The following RLF variants were observed in gnomAD, a reference collection of about 807,000 sequenced individuals.
The protein encoded by RLF is zinc finger protein Rlf.
RLF carries 7 observed loss-of-function variants against 162.9 expected under a neutral mutation model. That is an observed-to-expected ratio of 0.04 (90% CI 0.02 to 0.08). The LOEUF (loss-of-function observed/expected upper bound fraction) is 0.08. Ranked by LOEUF, RLF falls within the 10% of genes least tolerant of loss-of-function variation. The pLI, the probability that RLF is intolerant of heterozygous loss-of-function variation, is 1.00. For missense variants in RLF, 1,664 were observed against 2,244.7 expected, an observed-to-expected ratio of 0.74 and a Z score of 5.23; for synonymous variants, 782 against 791.5, an observed-to-expected ratio of 0.99 and a Z score of 0.20.
Position 40,161,725 on chromosome 1 carries a change from C to T in RLF, c.237+89C>T. ...TCCTCTGTAAGCAGCCGGGTCCAAA[C>T]TGAAAGGCGCCACCTCCGTGACTCG... is the stretch of plus-strand genomic sequence containing the variant. On this transcript the variant is annotated intron_variant, in intron 1 of 7. Coordinates refer to ENST00000372771, the MANE Select transcript of RLF (RefSeq NM_012421.4). The surrounding 1 kb of genome is among the most constrained non-coding windows in gnomAD (Gnocchi z 4.4). 6.6e-7 allele frequency: 1 copy of T among 1,511,862 alleles called. No homozygotes were observed. Among genetic ancestry groups the T allele is most frequent in the Non-Finnish European group, 8.8e-7 (1 of 1,138,692 alleles). The allele number at this position is 1,511,862 out of a possible 1,614,324, so 93.7% of individuals were successfully genotyped here. A position where few individuals can be genotyped will look rare whatever the true frequency, so the allele number is the denominator to read the frequency against.
At chr1:40,211,072 C>T (rs1364371538) in intron 5 of RLF, among the ~76,000 whole-genome samples, 1 of 152,218 alleles carries the variant, frequency 6.6e-6, no homozygotes, top group Non-Finnish European at 1.5e-5. Context: ...TTGTCTGTGG[C>T]TGCTTTTGTG....
At chr1:40,190,096 C>T (rs1642536098) in intron 2 of RLF, among the ~76,000 whole-genome samples, 1 of 152,044 alleles carries the variant, frequency 6.6e-6, no homozygotes. Context: ...TTTCCTTCTA[C>T]CAAGTCCTAG....
chr1:40,228,080 T>A (rs1643101904), intron 6 of RLF, among the ~76,000 whole-genome samples: 2 of 151,880 alleles, frequency 1.3e-5, no homozygotes, highest in Admixed American at 6.6e-5. Context: ...AAGTCAGGAG[T>A]TCGAGACCAG....
chr1:40,239,951 T>G lies in RLF; in HGVS notation c.5249T>G (p.Phe1750Cys), dbSNP rs1365698329. The stretch of plus-strand genomic sequence containing the variant: ...CCAACCCATGTCCCAAAAGAGAATT[T>G]TAGGAAACATTCACAGCCCCGGTCA... ...KNPTHVPKEN[F>C]RKHSQPRSFD... The change falls in exon 8 of 8, where the codon TTT becomes TGT. Residue 1750 changes from phenylalanine (F) to cysteine (C), a missense_variant. Transcript: ENST00000372771. 1.9e-6 allele frequency: 3 copies of G among 1,613,514 alleles called. No homozygotes were observed. Among genetic ancestry groups the G allele is most frequent in the East Asian group, 2.2e-5 (1 of 44,898 alleles).
chr1:40,226,367 C>T lies in RLF; in HGVS notation c.947+3657C>T, dbSNP rs186900106. On this transcript the variant is annotated intron_variant, in intron 6 of 7. Coordinates refer to ENST00000372771, the MANE Select transcript of RLF (RefSeq NM_012421.4). ...GTTTGTATATAGAGAGGTGTAATTACGGCAGCCATTTTAAAGTCATAAAGT... is the reference window on the plus strand; with the variant it reads ...GTTTGTATATAGAGAGGTGTAATTATGGCAGCCATTTTAAAGTCATAAAGT... Among the ~76,000 whole-genome samples, 413 of 152,190 alleles carry T rather than the reference C, an allele frequency of 2.7e-3. 4 individuals are homozygous for T. Among genetic ancestry groups the T allele is most frequent in the African/African-American group, 9.5e-3 (395 of 41,516 alleles).
intron 5 of RLF, among the ~76,000 whole-genome samples, chr1:40,211,119 C>T (rs188496734): frequency 5.9e-5 from 9 of 152,358 alleles, no homozygotes; most frequent in Admixed American, 3.9e-4. Flanking sequence ...AACAGAAACT[C>T]TCTGGCCAGA....
chr1:40,169,816 C>T (rs1642218466), intron 1 of RLF, among the ~76,000 whole-genome samples: 2 of 151,108 alleles, frequency 1.3e-5, no homozygotes, highest in Admixed American at 1.3e-4. Context: ...CCTCAGCCTC[C>T]CAAGTAGCTG....
intron 3 of RLF, among the ~76,000 whole-genome samples, chr1:40,195,417 C>T (rs960128925): frequency 6.6e-6 from 1 of 151,228 alleles, no homozygotes; most frequent in Non-Finnish European, 1.5e-5. Context: ...CCACTGCACT[C>T]CAGTCTGGGT....
At chr1:40,226,399 T>C (rs961974489) in intron 6 of RLF, among the ~76,000 whole-genome samples, 2 of 152,200 alleles carry the variant, frequency 1.3e-5, no homozygotes, top group African/African-American at 4.8e-5. Flanking sequence ...AAGTTGAACT[T>C]TGAACCTCCA....
At chr1:40,170,410 G>A (rs1025647903) in intron 1 of RLF, among the ~76,000 whole-genome samples, 2 of 151,974 alleles carry the variant, frequency 1.3e-5, no homozygotes, top group Admixed American at 1.3e-4. Context: ...CCACAGGCGC[G>A]TGCCACCACG....
intron 5 of RLF, 136 bp downstream of exon 5, chr1:40,202,750 A>C (rs1642734463): frequency 1.8e-6 from 1 of 548,756 alleles, no homozygotes; most frequent in African/African-American, 2.0e-5. Context: ...TATGATTTTA[A>C]TTGTATATTT....
chr1:40,165,477 TG>T (rs1198010208), intron 1 of RLF, among the ~76,000 whole-genome samples: 1 of 152,224 alleles, frequency 6.6e-6, no homozygotes, highest in Non-Finnish European at 1.5e-5. Flanking sequence ...ATTTTCTGCA[TG>T]GGAGATTTTT....
In RLF at chr1:40,174,326, G is replaced by A. The variant is rs1474106961; in HGVS notation, c.237+12690G>A. On this transcript the variant is annotated intron_variant, in intron 1 of 7. Coordinates refer to ENST00000372771, the MANE Select transcript of RLF (RefSeq NM_012421.4). ...ACAGAGGTGGCAGTGAGCCAAGATT[G>A]CACCACTGCACTCCAACATGGGTAA... Among the ~76,000 whole-genome samples the A allele has an allele frequency of 3.3e-5, 5 of 151,658 alleles. No individual in the cohort carries two copies. The South Asian group carries it at 6.2e-4, about 19-fold the overall frequency.
At chr1:40,195,904 G>T in intron 4 of RLF, 140 bp downstream of exon 4, 1 of 706,586 alleles carries the variant, frequency 1.4e-6, no homozygotes, top group Non-Finnish European at 2.2e-6. Context: ...TTAACTATTA[G>T]CATTTAATGT....
chr1:40,207,854 G>A (rs1344702621), intron 5 of RLF, among the ~76,000 whole-genome samples: 1 of 152,134 alleles, frequency 6.6e-6, no homozygotes, highest in Non-Finnish European at 1.5e-5. Flanking sequence ...CAAGCAATCT[G>A]CCTGACTCAG....
At chr1:40,193,427 G>C (rs975514415) in intron 3 of RLF, among the ~76,000 whole-genome samples, 1 of 152,066 alleles carries the variant, frequency 6.6e-6, no homozygotes. Flanking sequence ...CTCAAACTGT[G>C]GTTTTTATTT....
At chr1:40,201,302 C>T (rs1409648562) in intron 4 of RLF, among the ~76,000 whole-genome samples, 1 of 151,782 alleles carries the variant, frequency 6.6e-6, no homozygotes, top group African/African-American at 2.4e-5. Flanking sequence ...GTAGTGATGT[C>T]ACATACTTGT....
intron 4 of RLF, among the ~76,000 whole-genome samples, chr1:40,199,081 A>G (rs954166096): frequency 1.8e-4 from 28 of 152,244 alleles, no homozygotes; most frequent in Admixed American, 1.1e-3. Flanking sequence ...GTGCTTTCAT[A>G]TCTCATGTAA....
chr1:40,199,274 G>A (rs76361002), intron 4 of RLF, among the ~76,000 whole-genome samples: 1 of 152,306 alleles, frequency 6.6e-6, no homozygotes, highest in African/African-American at 2.4e-5. Context: ...GCTTAGTGCT[G>A]TAGGGAATAC....
Sources: gnomAD v4.1 joint callset for allele counts (sites outside exome capture counted in the v4.1 genomes callset) on GRCh38, gnomAD v4.1.1 for gene constraint, Gnocchi (gnomAD v3.1) non-coding constraint, MANE v1.5 for transcripts, NCBI Gene and HGNC (gene_info 2026-07-23, HGNC 2026-07-21) for gene names.